Variants in DMXL2 observed in about 807,000 individuals in gnomAD.
DMXL2 encodes dmX-like protein 2.
Under a neutral mutation model 331.1 loss-of-function variants are expected in DMXL2, and 103 were observed. The observed-to-expected ratio is 0.31, with a 90% confidence interval of 0.27 to 0.37. The LOEUF (loss-of-function observed/expected upper bound fraction) is 0.37. Ranked by LOEUF, DMXL2 falls within the 10% of genes least tolerant of loss-of-function variation. The probability of loss-of-function intolerance (pLI) is 1.00; values close to 1 mark genes in which losing one functional copy is unlikely to be tolerated. For missense variants in DMXL2, 3,171 were observed against 3,642.9 expected (o/e 0.87, Z 3.33); for synonymous variants, 1,281 against 1,252.1 (o/e 1.02, Z -0.49).
At chr15:51,621,931 TAC>T (rs2054656655) in intron 1 of DMXL2, among the ~76,000 whole-genome samples, 1 of 152,160 alleles carries the variant, frequency 6.6e-6, no homozygotes, top group Non-Finnish European at 1.5e-5. Context: ...TATCAGGAGA[TAC>T]AGAGTCAGGC....
At chr15:51,478,175 G>A in intron 26 of DMXL2, 96 bp downstream of exon 26, 1 of 898,098 alleles carries the variant, frequency 1.1e-6, no homozygotes, top group Non-Finnish European at 1.7e-6. Flanking sequence ...CATATTTAGG[G>A]ATTTTTCAGT....
Position 51,459,646 on chromosome 15 carries a change from A to G in DMXL2, c.7941T>C (p.His2647=), listed in dbSNP as rs1211458392. 3 of 1,289,800 alleles carry G rather than the reference A, an allele frequency of 2.3e-6. No homozygotes were observed. Among genetic ancestry groups the G allele is most frequent in the Admixed American group, 4.6e-5 (2 of 43,558 alleles). The allele number at this position is 1,289,800 out of a possible 1,614,324, so 79.9% of individuals were successfully genotyped here. A position where few individuals can be genotyped will look rare whatever the true frequency, so the allele number is the denominator to read the frequency against. Residue 2647 remains histidine, a synonymous_variant, in exon 34 of 44, where the codon CAT becomes CAC. Transcript: ENST00000560891. The stretch of plus-strand genomic sequence containing the variant: ...TGCAGTTTTGGTTGACCTGCTCCAC[A>G]TGTTCTTCTATAGACTAAATACCAC... ...KRKQSESIEE[H]VEQVNQNCIA...
intron 39 of DMXL2, among the ~76,000 whole-genome samples, 196 bp downstream of exon 39, chr15:51,455,870 G>A (rs891502460): frequency 2.0e-5 from 3 of 152,118 alleles, no homozygotes; most frequent in African/African-American, 4.8e-5. Flanking sequence ...TTAAATAGAT[G>A]ATTAATCCAT....
At chr15:51,489,584 A>G (rs1263424981) in intron 20 of DMXL2, among the ~76,000 whole-genome samples, 2 of 152,046 alleles carry the variant, frequency 1.3e-5, no homozygotes, top group Admixed American at 6.6e-5. Context: ...CAACCCAGGA[A>G]GAGGAGGTTG....
At chr15:51,611,391 C>T (rs985006903) in intron 1 of DMXL2, among the ~76,000 whole-genome samples, 1 of 152,056 alleles carries the variant, frequency 6.6e-6, no homozygotes, top group Non-Finnish European at 1.5e-5. Context: ...AATAACTACC[C>T]AAAAATCATT....
intron 9 of DMXL2, among the ~76,000 whole-genome samples, chr15:51,539,801 G>A (rs77147324): frequency 0.011 from 1,644 of 151,922 alleles, 14 homozygotes; most frequent in Admixed American, 0.022. Flanking sequence ...CCCAAAAAAT[G>A]GTATAAATCA....
In DMXL2 at chr15:51,498,557, C is replaced by A. The variant is rs1172397967; in HGVS notation, c.4667G>T (p.Cys1556Phe). ...TELDESRDKS[C>F]SGRDTLDECG... Reference sequence around the variant, plus strand: ...TTTTTAGCGAGAATATTTACCTGAGCAACTCTTATCTCTGCTTTCATCAAG... The same window carrying A: ...TTTTTAGCGAGAATATTTACCTGAGAAACTCTTATCTCTGCTTTCATCAAG... Residue 1556 changes from cysteine (C) to phenylalanine (F), a missense_variant, in exon 18 of 44, where the codon TGC becomes TTC. Around this residue, in one of 7 missense-constraint regions of DMXL2, gnomAD observed 252 missense variants for 387.4 expected, o/e 0.65. Coordinates refer to ENST00000560891, the MANE Select transcript of DMXL2 (RefSeq NM_001378457.1). The A allele has an allele frequency of 6.2e-7, 1 of 1,604,210 alleles. No individual in the cohort carries two copies. Among genetic ancestry groups the A allele is most frequent in the Admixed American group, 1.7e-5 (1 of 57,998 alleles).
At position 51,515,492 on chromosome 15, in the gene DMXL2, C is replaced by G. The variant is rs1272338326; in HGVS notation, c.2527-933G>C. 2.0e-5 allele frequency among the ~76,000 whole-genome samples: 3 copies of G among 152,028 alleles called. No individual in the cohort carries two copies. In the South Asian group the frequency reaches 6.2e-4, roughly 32 times the overall value. On this transcript the variant is annotated intron_variant, in intron 14 of 43. Transcript: ENST00000560891. The stretch of plus-strand genomic sequence containing the variant: ...AAGTTATAGGGTATTTTGTGTTTCT[C>G]TAGGTAGAAACATTAAAAATCTCTT...
intron 5 of DMXL2, 123 bp downstream of exon 5, chr15:51,564,002 C>A: frequency 9.5e-7 from 1 of 1,057,238 alleles, no homozygotes; most frequent in African/African-American, 1.7e-5. Flanking sequence ...AGAAAAAAAT[C>A]TACTTTCTAG....
At position 51,502,856 on chromosome 15, in the gene DMXL2, G is replaced by A. The variant is rs974223918; in HGVS notation, c.2942C>T (p.Pro981Leu). The stretch of plus-strand genomic sequence containing the variant: ...TTCAACTGATTCTGGGAGATCAAGG[G>A]GTTGGCTATACACCAGTCTAGAACT... Reference protein sequence around the residue: ...ILSSRLVYSQPLDLPESVEVI... With the variant: ...ILSSRLVYSQLLDLPESVEVI... Residue 981 changes from proline (P) to leucine (L), a missense_variant, in exon 17 of 44, where the codon CCC (proline) becomes CTC (leucine). Around this residue, in one of 7 missense-constraint regions of DMXL2, gnomAD observed 1,674 missense variants for 1,780.2 expected, o/e 0.94. Transcript: ENST00000560891. 7.4e-6 allele frequency: 12 copies of A among 1,613,918 alleles called. No homozygotes were observed. The highest frequency in any genetic ancestry group is 1.0e-5 in the Non-Finnish European group (12 of 1,180,016).
intron 6 of DMXL2, among the ~76,000 whole-genome samples, chr15:51,557,188 G>C (rs1172172675): frequency 6.6e-6 from 1 of 152,158 alleles, no homozygotes; most frequent in African/African-American, 2.4e-5. Flanking sequence ...AATGAGTTTA[G>C]TAAGGGTGCT....
intron 21 of DMXL2, 56 bp downstream of exon 21, chr15:51,488,492 T>C: frequency 7.0e-7 from 1 of 1,437,318 alleles, no homozygotes; most frequent in Non-Finnish European, 9.7e-7. Context: ...TTAGGTTTCT[T>C]ACTCACAGCA....
rs2041613817 is a variant in DMXL2 at position 51,476,720 on chromosome 15, C to A, written c.6834-1G>T. Reference sequence around the variant, plus strand: ...AAACTGATTTCCTTCTGTTTGACTGCTAAAACAAATAGGTTCAGTTATTTA... The same window carrying A: ...AAACTGATTTCCTTCTGTTTGACTGATAAAACAAATAGGTTCAGTTATTTA... On this transcript the variant is annotated splice_acceptor_variant, in intron 26 of 43. Coordinates refer to ENST00000560891, the MANE Select transcript of DMXL2 (RefSeq NM_001378457.1). LOFTEE classifies it high-confidence loss of function. 2 of 1,593,800 alleles carry A rather than the reference C, an allele frequency of 1.3e-6. No individual in the cohort carries two copies. The highest frequency in any genetic ancestry group is 1.7e-6 in the Non-Finnish European group (2 of 1,174,870).
In DMXL2 at chr15:51,563,458, G is replaced by A. The variant is rs762460363; in HGVS notation, c.501-11C>T. 6.9e-6 allele frequency: 11 copies of A among 1,595,612 alleles called. No individual in the cohort carries two copies. The South Asian group carries it at 1.3e-4, about 18-fold the overall frequency. ...ACAGATACTGAGGTTCTAAAAAAGA[G>A]AGAGTTAGGCAATTAGCCCTTTTAA... On this transcript the variant is annotated splice_polypyrimidine_tract_variant and intron_variant, in intron 5 of 43. Coordinates refer to ENST00000560891, the MANE Select transcript of DMXL2 (RefSeq NM_001378457.1).
In DMXL2 at chr15:51,563,357, G is replaced by A. The variant is rs190836043; in HGVS notation, c.567+24C>T. The A allele has an allele frequency of 4.8e-3, 7,320 of 1,526,674 alleles. 16 individuals are homozygous for A. The highest frequency in any genetic ancestry group is 5.4e-3 in the Non-Finnish European group (6,056 of 1,115,236). 94.6% of individuals were successfully genotyped at this position (1,526,674 alleles called of 1,614,324 possible). On this transcript the variant is annotated intron_variant, in intron 6 of 43. Coordinates refer to ENST00000560891, the MANE Select transcript of DMXL2 (RefSeq NM_001378457.1). Reference sequence around the variant, plus strand: ...TTAAATTCTTTTATTTGTTTATTTCGTATGTTTTTGTTTGATCCTTTACCT... The same window carrying A: ...TTAAATTCTTTTATTTGTTTATTTCATATGTTTTTGTTTGATCCTTTACCT...
At chr15:51,454,362 A>C (rs555393358) in intron 40 of DMXL2, among the ~76,000 whole-genome samples, 103 of 150,248 alleles carry the variant, frequency 6.9e-4, no homozygotes, top group African/African-American at 2.3e-3. Context: ...CCATATCTCC[A>C]TCAGGTAAAG....
chr15:51,538,250 C>T lies in DMXL2; in HGVS notation c.1308G>A (p.Glu436=), dbSNP rs1188831379. The T allele has an allele frequency of 1.9e-6, 3 of 1,613,532 alleles. No individual in the cohort carries two copies. The highest frequency in any genetic ancestry group is 2.5e-6 in the Non-Finnish European group (3 of 1,179,732). The stretch of plus-strand genomic sequence containing the variant: ...TCATATGTAAACCCCGTTCTCTATC[C>T]TCCTGTGAATGTTCCTCATCTTCTC... ...ADREDEEHSQ[E]DRERGLHMKL... Residue 436 remains glutamate (E), a synonymous_variant, in exon 10 of 44, where the codon GAG becomes GAA. Coordinates refer to ENST00000560891, the MANE Select transcript of DMXL2 (RefSeq NM_001378457.1).
chr15:51,575,097 G>A (rs931792157), intron 2 of DMXL2, among the ~76,000 whole-genome samples: 3 of 152,092 alleles, frequency 2.0e-5, no homozygotes, highest in African/African-American at 4.8e-5. Flanking sequence ...CCAGGAAATC[G>A]TGTTTCAATA....
In DMXL2 at chr15:51,466,177, T is replaced by TA; in HGVS notation, c.7520+6dup. ...AAAAAAATGAGAGAAAGAAAAGTCTTATTTACCTATAGGAATTTGGATCTT... is the reference window on the plus strand; with the variant it reads ...AAAAAAATGAGAGAAAGAAAAGTCTTAATTTACCTATAGGAATTTGGATCTT... On this transcript the variant is annotated splice_region_variant and intron_variant, in intron 30 of 43. Coordinates refer to ENST00000560891, the MANE Select transcript of DMXL2 (RefSeq NM_001378457.1). 1 of 1,550,538 alleles carries TA rather than the reference T, an allele frequency of 6.4e-7. No individual in the cohort carries two copies. The highest frequency in any genetic ancestry group is 1.3e-5 in the South Asian group (1 of 78,814).
Sources: gnomAD v4.1 joint callset for allele counts (sites outside exome capture counted in the v4.1 genomes callset) on GRCh38, gnomAD v4.1.1 for gene constraint, gnomAD v4.1.1 regional missense constraint, MANE v1.5 for transcripts, NCBI Gene and HGNC (gene_info 2026-07-23, HGNC 2026-07-21) for gene names.